ETV6: variants seen among roughly 807,000 people sequenced by gnomAD.
The protein encoded by ETV6 is ETS variant transcription factor 6, also known as transcription factor ETV6.
A neutral mutation model predicts 51.1 loss-of-function variants in ETV6; 16 were observed. That is an observed-to-expected ratio of 0.31 (90% CI 0.21 to 0.48). ETV6 has a LOEUF of 0.48. Ranked by LOEUF, ETV6 falls within the 20% of genes least tolerant of loss-of-function variation. The pLI, the probability that ETV6 is intolerant of heterozygous loss-of-function variation, is 0.99. For missense variants in ETV6, 458 were observed against 594.8 expected, an observed-to-expected ratio of 0.77 and a Z score of 2.39; for synonymous variants, 240 against 224.1, an observed-to-expected ratio of 1.07 and a Z score of -0.64.
chr12:11,692,367 A>G (rs535185989), intron 1 of ETV6, among the ~76,000 whole-genome samples: 13 of 151,320 alleles, frequency 8.6e-5, no homozygotes, highest in Admixed American at 6.6e-4. Flanking sequence ...ACTGTAAGAA[A>G]TAAATTTCAT....
chr12:11,762,120 T>A (rs1056621751), intron 2 of ETV6, among the ~76,000 whole-genome samples: 2 of 152,172 alleles, frequency 1.3e-5, no homozygotes, highest in Non-Finnish European at 2.9e-5. Flanking sequence ...AATGCTTTTG[T>A]GGGATGAGAA....
chr12:11,848,851 T>C (rs1449560181), intron 3 of ETV6, among the ~76,000 whole-genome samples: 1 of 152,222 alleles, frequency 6.6e-6, no homozygotes, highest in Non-Finnish European at 1.5e-5. Flanking sequence ...CCATGGTTCT[T>C]TGACCAGTAG....
At chr12:11,849,251 T>C (rs1053009681) in intron 3 of ETV6, among the ~76,000 whole-genome samples, 1 of 151,960 alleles carries the variant, frequency 6.6e-6, no homozygotes, top group Non-Finnish European at 1.5e-5. Context: ...GCCGGGACAA[T>C]GGGCACGCAT....
At position 11,650,481 on chromosome 12, in the gene ETV6, T is replaced by TAAAAAAAAAAAA. The variant is rs367594605; in HGVS notation, c.33+324_33+335dup. ...AAAACACCCCCGTAATTAGTGCGCT[T>TAAAAAAAAAAAA]AAAAAAAAAAAAAACAAAAAACAAA... On this transcript the variant is annotated intron_variant, in intron 1 of 7. Transcript: ENST00000396373. Among the ~76,000 whole-genome samples, 212 of 43,300 alleles carry TAAAAAAAAAAAA rather than the reference T, an allele frequency of 4.9e-3. 24 individuals carry two copies. The highest frequency in any genetic ancestry group is 6.4e-3 in the Non-Finnish European group (154 of 24,166). The allele number at this position is 43,300 out of a possible 152,430, so 28.4% of individuals were successfully genotyped here.
intron 1 of ETV6, among the ~76,000 whole-genome samples, chr12:11,670,232 T>C (rs1864288312): frequency 6.6e-6 from 1 of 152,174 alleles, no homozygotes; most frequent in South Asian, 2.1e-4. Context: ...AAACAGTAGA[T>C]TTTGGGCAGC....
At chr12:11,820,437 T>A (rs1245289417) in intron 2 of ETV6, among the ~76,000 whole-genome samples, 1 of 152,032 alleles carries the variant, frequency 6.6e-6, no homozygotes, top group Non-Finnish European at 1.5e-5. Flanking sequence ...TTAGGTAGAT[T>A]AGGGATGAAT....
At chr12:11,842,122 G>C (rs1272350321) in intron 3 of ETV6, among the ~76,000 whole-genome samples, 1 of 151,990 alleles carries the variant, frequency 6.6e-6, no homozygotes, top group African/African-American at 2.4e-5. Context: ...ATGTAGGCTG[G>C]TGTACATGGA....
At chr12:11,722,000 GT>G (rs1276066530) in intron 1 of ETV6, among the ~76,000 whole-genome samples, 1 of 152,110 alleles carries the variant, frequency 6.6e-6, no homozygotes, top group Non-Finnish European at 1.5e-5. Context: ...AAGGAAGAAG[GT>G]ATCATAGGTT....
intron 3 of ETV6, among the ~76,000 whole-genome samples, chr12:11,850,177 G>A (rs985260613): frequency 4.6e-5 from 7 of 152,068 alleles, no homozygotes; most frequent in South Asian, 4.1e-4. Context: ...GAAACTGGCC[G>A]AGTCCACTTG....
intron 1 of ETV6, among the ~76,000 whole-genome samples, chr12:11,655,898 T>G (rs1298668829): frequency 2.0e-5 from 3 of 152,272 alleles, no homozygotes; most frequent in Admixed American, 2.0e-4. Flanking sequence ...CTTGCATTTC[T>G]GAAACTTTGT....
intron 4 of ETV6, 136 bp downstream of exon 4, chr12:11,853,697 T>G: frequency 1.0e-6 from 1 of 958,306 alleles, no homozygotes. Flanking sequence ...GCTTACTATG[T>G]ACAAAATACA....
At chr12:11,785,420 A>G (rs1342124770) in intron 2 of ETV6, among the ~76,000 whole-genome samples, 1 of 152,120 alleles carries the variant, frequency 6.6e-6, no homozygotes, top group Non-Finnish European at 1.5e-5. Flanking sequence ...GACACAGTGT[A>G]TATTTTACTT....
chr12:11,734,492 A>T lies in ETV6; in HGVS notation c.34-17958A>T, dbSNP rs148313387. Among the ~76,000 whole-genome samples the T allele has an allele frequency of 2.7e-5, 4 of 150,616 alleles. No homozygotes were observed. The East Asian group carries it at 5.8e-4, about 22-fold the overall frequency. On this transcript the variant is annotated intron_variant, in intron 1 of 7. Coordinates refer to ENST00000396373, the MANE Select transcript of ETV6 (RefSeq NM_001987.5). Reference sequence around the variant, plus strand: ...TGTGGTGGTGCTCACCTGTGGTCCCAGCTACCTGGGGGGCTGAGATGAGCA... The same window carrying T: ...TGTGGTGGTGCTCACCTGTGGTCCCTGCTACCTGGGGGGCTGAGATGAGCA...
At chr12:11,698,019 C>T (rs535424200) in intron 1 of ETV6, among the ~76,000 whole-genome samples, 145 of 152,274 alleles carry the variant, frequency 9.5e-4, no homozygotes, top group African/African-American at 3.1e-3. Flanking sequence ...TTTAAAAAAA[C>T]CTCTGGTTGT....
chr12:11,746,123 C>T (rs989167096), intron 1 of ETV6, among the ~76,000 whole-genome samples: 11 of 152,190 alleles, frequency 7.2e-5, no homozygotes, highest in Non-Finnish European at 1.2e-4. Context: ...TGTTGAGTCA[C>T]CCTCAAGAAT....
chr12:11,720,149 T>C, intron 1 of ETV6, among the ~76,000 whole-genome samples: 1 of 152,024 alleles, frequency 6.6e-6, no homozygotes, highest in East Asian at 1.9e-4. Context: ...TATCTGAAGA[T>C]AGGAAAAGGG....
chr12:11,653,418 C>T (rs1206467510), intron 1 of ETV6, among the ~76,000 whole-genome samples: 1 of 152,180 alleles, frequency 6.6e-6, no homozygotes, highest in African/African-American at 2.4e-5. Flanking sequence ...TCCCCTCCTT[C>T]CCTGCTGTCC....
At chr12:11,804,199 T>C (rs931089110) in intron 2 of ETV6, among the ~76,000 whole-genome samples, 9 of 152,184 alleles carry the variant, frequency 5.9e-5, no homozygotes, top group Non-Finnish European at 1.3e-4. Flanking sequence ...TACAGTTTAA[T>C]AGGGGAGATA....
At chr12:11,874,761 T>C (rs1214343174) in intron 5 of ETV6, among the ~76,000 whole-genome samples, 4 of 151,034 alleles carry the variant, frequency 2.6e-5, no homozygotes, top group African/African-American at 2.4e-5. Context: ...CATAAATTCT[T>C]TTCATTATCT....
Sources: gnomAD v4.1 joint callset for allele counts (sites outside exome capture counted in the v4.1 genomes callset) on GRCh38, gnomAD v4.1.1 for gene constraint, MANE v1.5 for transcripts, NCBI Gene and HGNC (gene_info 2026-07-23, HGNC 2026-07-21) for gene names.